KALRN: variants seen among roughly 807,000 people sequenced by gnomAD.
KALRN encodes kalirin.
In KALRN, 70 loss-of-function variants were observed where a neutral mutation model predicts 353.7. The ratio of observed to expected loss-of-function variants is 0.20; its 90% CI spans 0.16 to 0.24. KALRN has a LOEUF of 0.24. KALRN is among the 10% of genes least tolerant of loss of function. The pLI, the probability that KALRN is intolerant of heterozygous loss-of-function variation, is 1.00. For missense variants in KALRN, 2,791 were observed against 3,756.7 expected (o/e 0.74, Z 6.72); for synonymous variants, 1,391 against 1,434.8 (o/e 0.97, Z 0.69).
chr3:124,204,494 C>T (rs1418165940), intron 1 of KALRN, among the ~76,000 whole-genome samples: 1 of 152,188 alleles, frequency 6.6e-6, no homozygotes, highest in African/African-American at 2.4e-5. Flanking sequence ...TGCCTGTAAC[C>T]ACTCCATAAG....
At chr3:124,652,585 C>CT (rs940338056) in intron 38 of KALRN, among the ~76,000 whole-genome samples, 11 of 151,348 alleles carry the variant, frequency 7.3e-5, no homozygotes, top group South Asian at 4.2e-4. Context: ...AGTCACTACT[C>CT]TTTTTTTTTG....
chr3:124,543,468 A>AT (rs1395249594), intron 33 of KALRN, among the ~76,000 whole-genome samples: 1 of 151,670 alleles, frequency 6.6e-6, no homozygotes, highest in Non-Finnish European at 1.5e-5. Flanking sequence ...CGCCCAGCTA[A>AT]TTTTTTATAT....
intron 34 of KALRN, among the ~76,000 whole-genome samples, chr3:124,628,097 C>G (rs1226759328): frequency 6.6e-6 from 1 of 151,988 alleles, no homozygotes; most frequent in Non-Finnish European, 1.5e-5. Flanking sequence ...CCACCGGAGA[C>G]AGCTGTCTAT....
intron 3 of KALRN, among the ~76,000 whole-genome samples, chr3:124,262,139 A>C (rs1053309616): frequency 1.3e-5 from 2 of 152,218 alleles, no homozygotes; most frequent in Non-Finnish European, 2.9e-5. Context: ...GTAAGTTGAC[A>C]TACCTTTCTG....
At chr3:124,063,311 A>G (rs1025474504) in intron 1 of KALRN, among the ~76,000 whole-genome samples, 1 of 152,214 alleles carries the variant, frequency 6.6e-6, no homozygotes, top group Non-Finnish European at 1.5e-5. Flanking sequence ...GAAAAGAAGC[A>G]GAGAAGGGGA....
At chr3:124,133,888 A>G (rs1202131569) in intron 1 of KALRN, among the ~76,000 whole-genome samples, 1 of 152,242 alleles carries the variant, frequency 6.6e-6, no homozygotes, top group Non-Finnish European at 1.5e-5. Flanking sequence ...GATGACACAA[A>G]CAAATGGAAA....
At chr3:124,245,135 G>C (rs939648722) in intron 3 of KALRN, among the ~76,000 whole-genome samples, 3 of 151,926 alleles carry the variant, frequency 2.0e-5, no homozygotes, top group Non-Finnish European at 4.4e-5. Context: ...CACCCTCTTT[G>C]TTCCTTCTCC....
At position 124,642,806 on chromosome 3, in the gene KALRN, G is replaced by GTTTTTTTGTTGTTGTTGTT. The variant is rs1553707032; in HGVS notation, c.5664+5510_5664+5511insGTTGTTGTTGTTTTTTTTT. On this transcript the variant is annotated intron_variant, in intron 37 of 59. Coordinates refer to ENST00000682506, the MANE Select transcript of KALRN (RefSeq NM_001388419.1). Reference sequence around the variant, plus strand: ...TCTGTGGAAGAGATTCCCAAGCCTCGTTTTTTTTTTTTTTTTTTTTGAGAC... The same window carrying GTTTTTTTGTTGTTGTTGTT: ...TCTGTGGAAGAGATTCCCAAGCCTCGTTTTTTTGTTGTTGTTGTTTTTTTTTTTTTTTTTTTTTTGAGAC... Among the ~76,000 whole-genome samples the GTTTTTTTGTTGTTGTTGTT allele has an allele frequency of 3.5e-4, 34 of 96,836 alleles. 1 individual carries two copies. Among genetic ancestry groups the GTTTTTTTGTTGTTGTTGTT allele is most frequent in the East Asian group, 9.5e-4 (2 of 2,108 alleles). 63.5% of individuals were successfully genotyped at this position (96,836 alleles called of 152,430 possible).
intron 1 of KALRN, chr3:124,163,741 A>G (rs1054699811): frequency 1.0e-6 from 1 of 985,430 alleles, no homozygotes. Context: ...TTCTCACTAC[A>G]GGCTTGCTCT....
intron 1 of KALRN, among the ~76,000 whole-genome samples, chr3:124,092,712 C>G (rs561513643): frequency 6.6e-6 from 1 of 152,216 alleles, no homozygotes; most frequent in Non-Finnish European, 1.5e-5. Flanking sequence ...TGGGCACCTA[C>G]GAGTTATCTG....
chr3:124,089,205 T>C (rs932308450), intron 1 of KALRN, among the ~76,000 whole-genome samples: 1 of 152,222 alleles, frequency 6.6e-6, no homozygotes, highest in African/African-American at 2.4e-5. Context: ...ATCCTAGTCC[T>C]ATGGTATGGT....
At position 124,657,749 on chromosome 3, in the gene KALRN, A is replaced by G. The variant is rs1288215674; in HGVS notation, c.5982A>G (p.Glu1994=). The G allele has an allele frequency of 1.2e-6, 2 of 1,613,428 alleles. No individual in the cohort carries two copies. Among genetic ancestry groups the G allele is most frequent in the South Asian group, 1.1e-5 (1 of 91,066 alleles). The change falls in exon 41 of 60, where the codon GAA becomes GAG. Residue 1994 remains glutamate (E), a synonymous_variant. Transcript: ENST00000682506. ...YDWHKDFFLA[E]LEKCIQEQDR... ...CTCCTTTTAGTTTTTTCCTGGCGGA[A>G]CTGGAAAAGTGTATCCAGGAGCAAG...
At chr3:124,492,616 A>G (rs1428565344) in intron 31 of KALRN, 124 bp from the exon 32 acceptor site, 3 of 1,048,076 alleles carry the variant, frequency 2.9e-6, no homozygotes, top group Non-Finnish European at 2.7e-6. Context: ...GAAATGAGAA[A>G]TAAACTCCCC....
At chr3:124,211,681 G>C (rs1331018389) in intron 1 of KALRN, among the ~76,000 whole-genome samples, 1 of 152,134 alleles carries the variant, frequency 6.6e-6, no homozygotes, top group Non-Finnish European at 1.5e-5. Context: ...TTGGATGTTT[G>C]TTGGAGTCTT....
At chr3:124,103,452 C>T (rs1221062519) in intron 1 of KALRN, among the ~76,000 whole-genome samples, 2 of 152,052 alleles carry the variant, frequency 1.3e-5, no homozygotes, top group Admixed American at 1.3e-4. Flanking sequence ...TAGTTGGATC[C>T]CCAGTATAAG....
intron 1 of KALRN, among the ~76,000 whole-genome samples, chr3:124,195,855 C>A (rs2075372777): frequency 6.6e-6 from 1 of 152,222 alleles, no homozygotes; most frequent in South Asian, 2.1e-4. Flanking sequence ...AACTCACCTG[C>A]ACTCTAGTGC....
chr3:124,676,014 TA>T (rs763528581), intron 49 of KALRN, among the ~76,000 whole-genome samples: 108 of 152,212 alleles, frequency 7.1e-4, no homozygotes, highest in Non-Finnish European at 1.0e-3. Context: ...ATCCTAAGTA[TA>T]CTTGTTTTGG....
Position 124,633,912 on chromosome 3 carries a change from C to T in KALRN, c.5527C>T (p.Pro1843Ser). 1 of 1,614,108 alleles carries T rather than the reference C, an allele frequency of 6.2e-7. No individual in the cohort carries two copies. Among genetic ancestry groups the T allele is most frequent in the Non-Finnish European group, 8.5e-7 (1 of 1,180,016 alleles). The change falls in exon 36 of 60, where the codon CCT (proline) becomes TCT (serine). Residue 1843 changes from proline (P) to serine (S), a missense_variant. Physicochemically the swap from Pro to Ser is moderately conservative, Grantham distance 74 (BLOSUM62 -1). Around this residue, in one of 11 missense-constraint regions of KALRN, gnomAD observed 1,065 missense variants for 1,156.4 expected, o/e 0.92. Coordinates refer to ENST00000682506, the MANE Select transcript of KALRN (RefSeq NM_001388419.1). ...AGAGTCACACACACCCCTCCCACCA[C>T]CTATGAAGATTTTTGACAACGACCC... The part of the protein sequence containing the change: ...DEESHTPLPP[P>S]MKIFDNDPTQ...
chr3:124,456,050 T>TA (rs2059278598), intron 22 of KALRN, among the ~76,000 whole-genome samples: 1 of 152,220 alleles, frequency 6.6e-6, no homozygotes, highest in South Asian at 2.1e-4. Flanking sequence ...TGTGAGTTTT[T>TA]ATCTAGGAAG....
Sources: gnomAD v4.1 joint callset for allele counts (sites outside exome capture counted in the v4.1 genomes callset) on GRCh38, gnomAD v4.1.1 for gene constraint, gnomAD v4.1.1 regional missense constraint, MANE v1.5 for transcripts, NCBI Gene and HGNC (gene_info 2026-07-23, HGNC 2026-07-21) for gene names.